NUP188: variants seen among roughly 807,000 people sequenced by gnomAD.
NUP188 encodes the protein nucleoporin 188.
A neutral mutation model predicts 223.0 loss-of-function variants in NUP188; 97 were observed. That is an observed-to-expected ratio of 0.43 (90% confidence interval 0.37 to 0.51). NUP188 has a LOEUF of 0.51. Ranked by LOEUF, NUP188 falls within the 20% of genes least tolerant of loss-of-function variation. The probability of loss-of-function intolerance (pLI) is 0.00; values close to 1 mark genes in which losing one functional copy is unlikely to be tolerated. For synonymous variants in NUP188, 869 were observed against 828.0 expected, an observed-to-expected ratio of 1.05 and a Z score of -0.85; for missense variants, 1,947 against 2,175.6, an observed-to-expected ratio of 0.89 and a Z score of 2.09.
At chr9:129,002,160 C>T (rs1588294363) in intron 36 of NUP188, among the ~76,000 whole-genome samples, 184 bp downstream of exon 36, 4 of 152,256 alleles carry the variant, frequency 2.6e-5, no homozygotes, top group South Asian at 2.1e-4. Flanking sequence ...TAAAAGGCAC[C>T]GCCTGGCCTT....
intron 24 of NUP188, among the ~76,000 whole-genome samples, chr9:128,988,893 TTTTTG>T (rs1259789395): frequency 6.6e-6 from 1 of 151,688 alleles, no homozygotes; most frequent in Non-Finnish European, 1.5e-5. Flanking sequence ...GCCCGGCTAA[TTTTTG>T]TTTTGTTTTG....
At chr9:128,970,405 G>A (rs1842089242) in intron 10 of NUP188, among the ~76,000 whole-genome samples, 1 of 152,152 alleles carries the variant, frequency 6.6e-6, no homozygotes, top group Non-Finnish European at 1.5e-5. Flanking sequence ...TGTGAAAGAA[G>A]AGGAAAGGGG....
At chr9:128,952,922 G>T in intron 3 of NUP188, 76 bp downstream of exon 3, 1 of 1,165,166 alleles carries the variant, frequency 8.6e-7, no homozygotes, top group East Asian at 2.4e-5. Context: ...CCTTCTATGT[G>T]CTTTGATGAT....
chr9:128,969,527 A>G lies in NUP188; in HGVS notation c.912+13A>G, dbSNP rs372553700. On this transcript the variant is annotated intron_variant, in intron 10 of 43. Coordinates refer to ENST00000372577, the MANE Select transcript of NUP188 (RefSeq NM_015354.3). ...GCTTATTTGTCAGGTGACTTGGAAT[A>G]GCCTCTTTTTTTTCAGAGGGTTTAT... The G allele has an allele frequency of 3.5e-6, 5 of 1,444,086 alleles. No homozygotes were observed. The highest frequency in any genetic ancestry group is 2.8e-6 in the Non-Finnish European group (3 of 1,069,870). 89.5% of individuals were successfully genotyped at this position (1,444,086 alleles called of 1,614,324 possible). A position where few individuals can be genotyped will look rare whatever the true frequency, so the allele number is the denominator to read the frequency against.
At chr9:128,971,735 A>G (rs539989011) in intron 11 of NUP188, among the ~76,000 whole-genome samples, 1 of 149,734 alleles carries the variant, frequency 6.7e-6, no homozygotes, top group Non-Finnish European at 1.5e-5. Flanking sequence ...TCGTTTTGAC[A>G]TGGTGAAATG....
chr9:128,948,016 T>G, intron 1 of NUP188: 6 of 350,038 alleles, frequency 1.7e-5, no homozygotes, highest in Admixed American at 4.7e-5. Flanking sequence ...GCCCTTTGCC[T>G]TCCTCCTCTC....
At chr9:128,951,900 C>G (rs994744761) in intron 2 of NUP188, among the ~76,000 whole-genome samples, 2 of 150,952 alleles carry the variant, frequency 1.3e-5, no homozygotes, top group Admixed American at 6.6e-5. Flanking sequence ...TCAAGTGATT[C>G]TCCTGCCTCA....
chr9:128,973,822 C>T lies in NUP188; in HGVS notation c.1203+573C>T, dbSNP rs1189958477. Among the ~76,000 whole-genome samples the T allele has an allele frequency of 6.6e-5, 10 of 152,244 alleles. 1 individual carries two copies. Among genetic ancestry groups the T allele is most frequent in the South Asian group, 4.1e-4 (2 of 4,832 alleles). On this transcript the variant is annotated intron_variant, in intron 12 of 43. Coordinates refer to ENST00000372577, the MANE Select transcript of NUP188 (RefSeq NM_015354.3). ...TGTATTCCCTTCCATTTTCCAAATA[C>T]GTATATACATGAAAATATAGTAATT...
intron 11 of NUP188, among the ~76,000 whole-genome samples, chr9:128,971,882 G>A (rs556366881): frequency 2.7e-5 from 4 of 149,960 alleles, no homozygotes; most frequent in African/African-American, 9.8e-5. Flanking sequence ...AGTGATTCTC[G>A]TGCCTCAGCC....
At chr9:128,974,777 T>C (rs574374600) in intron 12 of NUP188, among the ~76,000 whole-genome samples, 74 of 151,634 alleles carry the variant, frequency 4.9e-4, no homozygotes, top group African/African-American at 1.5e-3. Flanking sequence ...TTGTCTCTTT[T>C]TTTTTTTTTT....
chr9:128,955,441 G>A (rs1485911850), intron 3 of NUP188, among the ~76,000 whole-genome samples: 4 of 151,998 alleles, frequency 2.6e-5, no homozygotes, highest in South Asian at 2.1e-4. Context: ...CAAAGTGCTG[G>A]GATTACAGGC....
At chr9:128,988,207 C>A in intron 24 of NUP188, 21 bp downstream of exon 24, 1 of 1,613,492 alleles carries the variant, frequency 6.2e-7, no homozygotes, top group Non-Finnish European at 8.5e-7. Context: ...CTCTTCCAGT[C>A]ACAACATGGT....
intron 12 of NUP188, among the ~76,000 whole-genome samples, chr9:128,974,386 G>GT (rs1030115637): frequency 3.1e-5 from 4 of 130,546 alleles, no homozygotes; most frequent in South Asian, 2.4e-4. Flanking sequence ...GCAGCAGGTT[G>GT]TTGTTTTTTT....
Position 128,993,521 on chromosome 9 carries a change from GC to G in NUP188, c.2848-3del. 6.2e-7 allele frequency: 1 copy of G among 1,614,168 alleles called. No homozygotes were observed. Among genetic ancestry groups the G allele is most frequent in the Non-Finnish European group, 8.5e-7 (1 of 1,180,024 alleles). Reference sequence around the variant, plus strand: ...ACTGAACTCTTACCTGTCCCTTCTTGCAGGAATTCAGCCTTGGGATGTGGAG... The same window carrying G: ...ACTGAACTCTTACCTGTCCCTTCTTGAGGAATTCAGCCTTGGGATGTGGAG... On this transcript the variant is annotated splice_polypyrimidine_tract_variant and splice_region_variant and intron_variant, in intron 26 of 43. Coordinates refer to ENST00000372577, the MANE Select transcript of NUP188 (RefSeq NM_015354.3).
chr9:128,988,726 T>A (rs1021683706), intron 24 of NUP188, among the ~76,000 whole-genome samples: 8 of 117,318 alleles, frequency 6.8e-5, no homozygotes, highest in Admixed American at 4.2e-4. Context: ...TTAATTTTTT[T>A]TTTTTTTTTT....
At chr9:128,979,459 A>G in intron 13 of NUP188, 132 bp downstream of exon 13, 2 of 567,634 alleles carry the variant, frequency 3.5e-6, no homozygotes, top group Non-Finnish European at 6.3e-6. Flanking sequence ...AGTAGATACT[A>G]TTACTGTCCC....
At chr9:128,978,713 GTTTGTTTGTT>G (rs1414073413) in intron 12 of NUP188, among the ~76,000 whole-genome samples, 2 of 151,784 alleles carry the variant, frequency 1.3e-5, no homozygotes, top group Non-Finnish European at 2.9e-5. Flanking sequence ...CAGTTTTTTT[GTTTGTTTGTT>G]TTTTGAGACA....
chr9:128,980,606 G>C lies in NUP188; in HGVS notation c.1270G>C (p.Glu424Gln), dbSNP rs1050126506. 1 of 1,610,856 alleles carries C rather than the reference G, an allele frequency of 6.2e-7. No individual in the cohort carries two copies. The highest frequency in any genetic ancestry group is 1.1e-5 in the South Asian group (1 of 90,350). Residue 424 changes from glutamate to glutamine, a missense_variant and splice_region_variant, in exon 14 of 44, where the codon GAG becomes CAG. By Grantham distance (29) the Glu-to-Gln change is conservative (BLOSUM62 2). Coordinates refer to ENST00000372577, the MANE Select transcript of NUP188 (RefSeq NM_015354.3). ...AGTGATTTGTCCCCTTCCACCACAGGAGCCAACTTCTGGCCTTGGGATCAT... is the reference window on the plus strand; with the variant it reads ...AGTGATTTGTCCCCTTCCACCACAGCAGCCAACTTCTGGCCTTGGGATCAT... ...PSLPELFWGT[E>Q]PTSGLGIILD...
intron 30 of NUP188, 150 bp downstream of exon 30, chr9:128,995,664 G>A (rs758318911): frequency 1.5e-5 from 10 of 679,078 alleles, no homozygotes; most frequent in African/African-American, 1.8e-5. Context: ...TGAGAGATTG[G>A]GACTGTGGGG....
Sources: gnomAD v4.1 joint callset for allele counts (sites outside exome capture counted in the v4.1 genomes callset) on GRCh38, gnomAD v4.1.1 for gene constraint, MANE v1.5 for transcripts, NCBI Gene and HGNC (gene_info 2026-07-23, HGNC 2026-07-21) for gene names.